The following NARS2 variants were observed in gnomAD, a reference collection of about 807,000 sequenced individuals.
NARS2 encodes the protein asparaginyl-tRNA synthetase.
Under a neutral mutation model 62.9 loss-of-function variants are expected in NARS2, and 60 were observed. That is an observed-to-expected ratio of 0.95 (90% CI 0.77 to 1.18). The LOEUF is 1.18. Among genes scored for constraint, NARS2 ranks in the 50% most tolerant of loss-of-function variants. NARS2 has a pLI of 0.00. For missense variants in NARS2, 619 were observed against 576.4 expected (o/e 1.07, Z -0.76); for synonymous variants, 196 against 200.0 (o/e 0.98, Z 0.17).
chr11:78,521,789 C>CAAAA (rs58282524), intron 6 of NARS2, among the ~76,000 whole-genome samples: 3,431 of 96,252 alleles, frequency 0.036, 277 homozygotes, highest in African/African-American at 0.14. Flanking sequence ...GACTCCGTCT[C>CAAAA]AAAAAAAAAA....
chr11:78,484,811 C>T (rs922357083), intron 7 of NARS2, among the ~76,000 whole-genome samples: 8 of 152,150 alleles, frequency 5.3e-5, no homozygotes, highest in Admixed American at 2.0e-4. Flanking sequence ...TCAACCACTG[C>T]GAAGACAGTG....
chr11:78,488,606 C>T (rs896221592), intron 7 of NARS2, among the ~76,000 whole-genome samples: 1 of 152,074 alleles, frequency 6.6e-6, no homozygotes, highest in African/African-American at 2.4e-5. Flanking sequence ...TTTTAACCCA[C>T]CAGGTTTGTG....
chr11:78,548,375 TAAGAGTAATC>T (rs1484788374), intron 5 of NARS2, among the ~76,000 whole-genome samples: 1 of 150,578 alleles, frequency 6.6e-6, no homozygotes, highest in Non-Finnish European at 1.5e-5. Context: ...AGAAAATAGG[TAAGAGTAATC>T]AAAAAGTGAA....
chr11:78,439,827 T>C (rs964577731), intron 13 of NARS2, among the ~76,000 whole-genome samples: 9 of 152,170 alleles, frequency 5.9e-5, no homozygotes, highest in South Asian at 2.1e-4. Flanking sequence ...GGAGTGCTAA[T>C]ATAGAAATAT....
rs950436506 is a variant in NARS2, at chr11:78,464,981, C to T, written c.1164+895G>A. Among the ~76,000 whole-genome samples, 23 of 152,244 alleles carry T rather than the reference C, an allele frequency of 1.5e-4. 1 individual carries two copies. The highest frequency in any genetic ancestry group is 7.3e-5 in the Non-Finnish European group (5 of 68,040). On this transcript the variant is annotated intron_variant, in intron 11 of 13. Transcript: ENST00000281038. ...CGCGCCATGCGCCTGCACTCCTCAG[C>T]CCTTGGGTGGTCAATGGGACTGGGC...
At chr11:78,446,593 A>G (rs1591125736) in intron 11 of NARS2, among the ~76,000 whole-genome samples, 4 of 152,280 alleles carry the variant, frequency 2.6e-5, no homozygotes, top group Admixed American at 1.3e-4. Context: ...AGAATAGTCA[A>G]CCAGTGGCTC....
At chr11:78,561,799 C>T (rs1410727625) in intron 4 of NARS2, among the ~76,000 whole-genome samples, 2 of 152,194 alleles carry the variant, frequency 1.3e-5, no homozygotes, top group Non-Finnish European at 2.9e-5. Context: ...GTGTCTCACG[C>T]CTGTAATCCC....
chr11:78,476,983 A>G (rs1859127251), intron 9 of NARS2, among the ~76,000 whole-genome samples: 1 of 152,238 alleles, frequency 6.6e-6, no homozygotes, highest in South Asian at 2.1e-4. Flanking sequence ...CTCCATCTGT[A>G]GAATGAGAAT....
intron 1 of NARS2, among the ~76,000 whole-genome samples, chr11:78,572,684 G>A (rs1422449240): frequency 6.6e-6 from 1 of 152,064 alleles, no homozygotes; most frequent in East Asian, 1.9e-4. Context: ...TTAACCATTG[G>A]AGCAGGGCTG....
At chr11:78,464,557 C>G (rs1204010565) in intron 11 of NARS2, among the ~76,000 whole-genome samples, 1 of 152,130 alleles carries the variant, frequency 6.6e-6, no homozygotes. Context: ...CAAAGGTTCT[C>G]CAAGTCCCCA....
At chr11:78,555,191 C>CT (rs1467054221) in intron 5 of NARS2, 2 of 152,160 alleles carry the variant, frequency 1.3e-5, no homozygotes, top group African/African-American at 2.4e-5. Context: ...TTGATATTTT[C>CT]TTTTTTTGTT....
At chr11:78,572,349 T>C (rs950736057) in intron 1 of NARS2, among the ~76,000 whole-genome samples, 3 of 152,230 alleles carry the variant, frequency 2.0e-5, no homozygotes, top group African/African-American at 7.2e-5. Context: ...GTTATCATTT[T>C]AGAGCTGATG....
chr11:78,565,974 T>C (rs1461060323), intron 4 of NARS2, among the ~76,000 whole-genome samples, 158 bp downstream of exon 4: 1 of 152,148 alleles, frequency 6.6e-6, no homozygotes, highest in Non-Finnish European at 1.5e-5. Flanking sequence ...CAAAGCTAGG[T>C]CATGTAGAGT....
intron 5 of NARS2, among the ~76,000 whole-genome samples, chr11:78,529,892 G>A (rs988684407): frequency 6.6e-6 from 1 of 152,138 alleles, no homozygotes; most frequent in Non-Finnish European, 1.5e-5. Flanking sequence ...CACTGTAAAA[G>A]CAATATAGCC....
At chr11:78,446,445 CTT>C (rs1244596280) in intron 11 of NARS2, among the ~76,000 whole-genome samples, 2 of 152,184 alleles carry the variant, frequency 1.3e-5, no homozygotes, top group African/African-American at 4.8e-5. Context: ...AGTCTGGTAT[CTT>C]TATTTCCTGG....
intron 2 of NARS2, among the ~76,000 whole-genome samples, chr11:78,570,310 G>A (rs921617383): frequency 1.3e-5 from 2 of 152,030 alleles, no homozygotes; most frequent in Non-Finnish European, 2.9e-5. Context: ...AACAATCCCC[G>A]GAATAGCAAA....
chr11:78,516,816 G>A (rs1860929107), intron 6 of NARS2, among the ~76,000 whole-genome samples: 3 of 152,068 alleles, frequency 2.0e-5, no homozygotes, highest in Non-Finnish European at 2.9e-5. Flanking sequence ...TCTTTATTTT[G>A]TATTAATAGT....
At chr11:78,459,723 C>T (rs576146289) in intron 11 of NARS2, among the ~76,000 whole-genome samples, 35 of 152,310 alleles carry the variant, frequency 2.3e-4, no homozygotes, top group Non-Finnish European at 1.5e-4. Context: ...TCTTCTTTCC[C>T]GTCTTGGGTA....
At chr11:78,442,384 G>T (rs757515514) in intron 12 of NARS2, among the ~76,000 whole-genome samples, 3 of 152,080 alleles carry the variant, frequency 2.0e-5, no homozygotes, top group Non-Finnish European at 2.9e-5. Flanking sequence ...CTTTCTTTTG[G>T]ATCCTAACCC....
Sources: gnomAD v4.1 joint callset for allele counts (sites outside exome capture counted in the v4.1 genomes callset) on GRCh38, gnomAD v4.1.1 for gene constraint, MANE v1.5 for transcripts, NCBI Gene and HGNC (gene_info 2026-07-23, HGNC 2026-07-21) for gene names.